Variants in EML5 observed in about 807,000 individuals in gnomAD.
The protein encoded by EML5 is EMAP like 5.
Under a neutral mutation model 250.0 loss-of-function variants are expected in EML5, and 120 were observed. That is an observed-to-expected ratio of 0.48 (90% CI 0.41 to 0.56). EML5 has a LOEUF of 0.56. Ranked by LOEUF, EML5 falls within the 20% of genes least tolerant of loss-of-function variation. EML5 has a pLI of 0.00. For missense variants in EML5, 2,006 were observed against 2,437.6 expected, an observed-to-expected ratio of 0.82 and a Z score of 3.73; for synonymous variants, 771 against 806.5, an observed-to-expected ratio of 0.96 and a Z score of 0.75.
intron 21 of EML5, among the ~76,000 whole-genome samples, chr14:88,666,652 G>A (rs977893572): frequency 2.0e-5 from 3 of 151,918 alleles, no homozygotes; most frequent in East Asian, 1.9e-4. Context: ...AATTAATATC[G>A]TTCATTAATG....
In EML5 at chr14:88,792,216, C is replaced by T. The variant is rs1409661981; in HGVS notation, c.197+91G>A. 4 of 1,459,978 alleles carry T rather than the reference C, an allele frequency of 2.7e-6. No homozygotes were observed. Among genetic ancestry groups the T allele is most frequent in the Non-Finnish European group, 3.7e-6 (4 of 1,083,928 alleles). The allele number at this position is 1,459,978 out of a possible 1,614,324, so 90.4% of individuals were successfully genotyped here. ...ATTCCCCTCGGGGTGATGCTCCGTG[C>T]AGGAGCGGTCACGGCGTCCAGAGGA... is the stretch of plus-strand genomic sequence containing the variant. On this transcript the variant is annotated intron_variant, in intron 1 of 43. Transcript: ENST00000554922. The surrounding 1 kb of genome is among the most constrained non-coding windows in gnomAD (Gnocchi z 6.9).
intron 20 of EML5, among the ~76,000 whole-genome samples, chr14:88,684,645 GTTAAA>G (rs1464384645): frequency 2.6e-5 from 4 of 151,792 alleles, no homozygotes; most frequent in South Asian, 2.1e-4. Context: ...AACAGACTGG[GTTAAA>G]TTAATTACAG....
Position 88,792,188 on chromosome 14 carries a change from C to CG in EML5, c.197+118dup. On this transcript the variant is annotated intron_variant, in intron 1 of 43. Transcript: ENST00000554922. The surrounding 1 kb of genome is among the most constrained non-coding windows in gnomAD (Gnocchi z 6.9). ...GGACTCGGGACCAGAGAGACAGCTG[C>CG]GGATTCCCCTCGGGGTGATGCTCCG... is the stretch of plus-strand genomic sequence containing the variant. 1 of 1,223,562 alleles carries CG rather than the reference C, an allele frequency of 8.2e-7. No homozygotes were observed. Among genetic ancestry groups the CG allele is most frequent in the Non-Finnish European group, 1.1e-6 (1 of 896,790 alleles). 75.8% of individuals were successfully genotyped at this position (1,223,562 alleles called of 1,614,324 possible).
chr14:88,665,716 G>A (rs1024437914), intron 21 of EML5, among the ~76,000 whole-genome samples: 1 of 152,112 alleles, frequency 6.6e-6, no homozygotes, highest in Non-Finnish European at 1.5e-5. Flanking sequence ...GGGCGAGGGG[G>A]AAGAGAGAAG....
At chr14:88,766,366 C>A (rs1382589298) in intron 1 of EML5, among the ~76,000 whole-genome samples, 1 of 152,102 alleles carries the variant, frequency 6.6e-6, no homozygotes, top group Non-Finnish European at 1.5e-5. Flanking sequence ...AAGGAACATC[C>A]CTGAGAAAGA....
At chr14:88,641,180 T>C (rs970734961) in intron 31 of EML5, among the ~76,000 whole-genome samples, 1 of 152,090 alleles carries the variant, frequency 6.6e-6, no homozygotes, top group Admixed American at 6.5e-5. Context: ...CTCCCAGACA[T>C]ACAAAGAAAA....
At chr14:88,717,310 G>T (rs998340576) in intron 8 of EML5, among the ~76,000 whole-genome samples, 18 of 152,288 alleles carry the variant, frequency 1.2e-4, no homozygotes, top group African/African-American at 4.1e-4. Context: ...TAGTTGAATG[G>T]ACACAAACAA....
At chr14:88,660,383 CA>C (rs2092042501) in intron 25 of EML5, among the ~76,000 whole-genome samples, 1 of 151,368 alleles carries the variant, frequency 6.6e-6, no homozygotes, top group Non-Finnish European at 1.5e-5. Context: ...GTAGTTTGAA[CA>C]GAGGGAAGTG....
intron 1 of EML5, among the ~76,000 whole-genome samples, chr14:88,764,130 C>A (rs374558540): frequency 1.3e-5 from 2 of 152,094 alleles, no homozygotes; most frequent in Admixed American, 1.3e-4. Context: ...ATCCTACTGA[C>A]GGATTTTATT....
At chr14:88,649,334 C>T (rs1039342550) in intron 28 of EML5, among the ~76,000 whole-genome samples, 6 of 152,170 alleles carry the variant, frequency 3.9e-5, no homozygotes, top group African/African-American at 1.4e-4. Context: ...CAATTACAGG[C>T]CTGAGCCACC....
intron 33 of EML5, among the ~76,000 whole-genome samples, chr14:88,629,167 T>A (rs547881818): frequency 6.6e-6 from 1 of 152,222 alleles, no homozygotes; most frequent in Admixed American, 6.5e-5. Flanking sequence ...GTTTACAAAA[T>A]GCACCTCTAG....
intron 14 of EML5, among the ~76,000 whole-genome samples, chr14:88,701,989 T>C (rs1595578589): frequency 6.6e-6 from 1 of 152,314 alleles, no homozygotes; most frequent in East Asian, 1.9e-4. Flanking sequence ...CTCAGGGTTT[T>C]TTATTTCAAT....
chr14:88,653,578 G>T (rs1485089790), intron 27 of EML5, among the ~76,000 whole-genome samples: 1 of 152,204 alleles, frequency 6.6e-6, no homozygotes, highest in African/African-American at 2.4e-5. Flanking sequence ...CATTGGTTCT[G>T]TTCATGTGAT....
intron 39 of EML5, chr14:88,619,041 C>G (rs1296230384): frequency 2.8e-6 from 1 of 362,058 alleles, no homozygotes; most frequent in Non-Finnish European, 4.8e-6. Flanking sequence ...TGTCATCTCC[C>G]AATTCCTTTA....
chr14:88,657,209 T>C (rs1425815769), intron 27 of EML5, among the ~76,000 whole-genome samples, 167 bp downstream of exon 27: 1 of 152,202 alleles, frequency 6.6e-6, no homozygotes, highest in East Asian at 1.9e-4. Flanking sequence ...CCCAGGCTGA[T>C]ACCAAAAGGT....
At chr14:88,680,832 A>T (rs2092700358) in intron 21 of EML5, among the ~76,000 whole-genome samples, 1 of 152,180 alleles carries the variant, frequency 6.6e-6, no homozygotes, top group South Asian at 2.1e-4. Flanking sequence ...CCACAGGTAA[A>T]GTCCAATCAA....
chr14:88,639,043 A>G (rs1369774139), intron 31 of EML5, 136 bp from the exon 32 acceptor site: 1 of 633,114 alleles, frequency 1.6e-6, no homozygotes, highest in Non-Finnish European at 2.7e-6. Context: ...CTATGTATAC[A>G]GCATCATAAG....
At position 88,615,603 on chromosome 14, in the gene EML5, T is replaced by C; in HGVS notation, c.*215A>G. 2.1e-6 allele frequency: 1 copy of C among 484,144 alleles called. No individual in the cohort carries two copies. The allele number at this position is 484,144 out of a possible 1,614,324, so 30.0% of individuals were successfully genotyped here. On this transcript the variant is annotated 3_prime_UTR_variant, in exon 44 of 44. Coordinates refer to ENST00000554922, the MANE Select transcript of EML5 (RefSeq NM_183387.3). The stretch of plus-strand genomic sequence containing the variant: ...TCAAGTATTCGATCCTTCCTTGAAA[T>C]GGCATTATCTGGCAGTGTATGGATT...
chr14:88,696,533 C>A (rs970730744), intron 15 of EML5, among the ~76,000 whole-genome samples: 1 of 152,108 alleles, frequency 6.6e-6, no homozygotes, highest in Non-Finnish European at 1.5e-5. Context: ...TCAGTGCCCT[C>A]CCAGCGTGGG....
Sources: allele counts gnomAD v4.1 joint callset (sites outside exome capture counted in the v4.1 genomes callset), GRCh38; gene constraint gnomAD v4.1.1; non-coding constraint Gnocchi (gnomAD v3.1); transcripts MANE v1.5; gene names NCBI Gene and HGNC (gene_info 2026-07-23, HGNC 2026-07-21).